The following USP13 variants were observed in gnomAD, a reference collection of about 807,000 sequenced individuals.
USP13 encodes the protein ubiquitin specific peptidase 13, also known as ubiquitin carboxyl-terminal hydrolase 13.
Under a neutral mutation model 107.8 loss-of-function variants are expected in USP13, and 68 were observed. The ratio of observed to expected loss-of-function variants is 0.63; its 90% CI spans 0.52 to 0.77. The LOEUF is 0.77. Among genes scored for constraint, USP13 ranks in the 30% least tolerant of loss-of-function variants. USP13 has a pLI of 0.00. For missense variants in USP13, 945 were observed against 1,093.3 expected (o/e 0.86, Z 1.91); for synonymous variants, 377 against 389.5 (o/e 0.97, Z 0.38).
chr3:179,750,962 G>T (rs998208060), intron 13 of USP13, among the ~76,000 whole-genome samples: 1 of 152,166 alleles, frequency 6.6e-6, no homozygotes, highest in African/African-American at 2.4e-5. Context: ...CAATACATTT[G>T]CATTTGTTTT....
rs201133262 is a variant in USP13, at chr3:179,739,146, C to T, written c.1255-1101C>T. 1.6e-4 allele frequency among the ~76,000 whole-genome samples: 25 copies of T among 152,334 alleles called. No individual in the cohort carries two copies. The East Asian group carries it at 4.8e-3, about 29-fold the overall frequency. On this transcript the variant is annotated intron_variant, in intron 10 of 20. Transcript: ENST00000263966. ...GTCCAGCTGGCCTCGGCAGCCGTCA[C>T]CTCCTCCTGCCCTGAGCCTTCTCCA...
At chr3:179,692,921 C>G (rs1048248532) in intron 3 of USP13, among the ~76,000 whole-genome samples, 13 of 152,126 alleles carry the variant, frequency 8.5e-5, no homozygotes, top group Non-Finnish European at 1.6e-4. Flanking sequence ...AGGGGACTAC[C>G]TACCATTTTG....
chr3:179,752,033 G>T (rs771592358), intron 13 of USP13, among the ~76,000 whole-genome samples: 1 of 152,172 alleles, frequency 6.6e-6, no homozygotes, highest in African/African-American at 2.4e-5. Flanking sequence ...GTGAGCCACC[G>T]CACCTACCCA....
chr3:179,718,803 G>A (rs560079199), intron 6 of USP13, among the ~76,000 whole-genome samples: 6 of 151,462 alleles, frequency 4.0e-5, no homozygotes, highest in East Asian at 1.9e-4. Flanking sequence ...TCTCTCTGTC[G>A]CCCAGGCCAG....
chr3:179,786,069 C>G lies in USP13; in HGVS notation c.*1928C>G, dbSNP rs1273448114. 3 of 152,188 alleles carry G rather than the reference C, an allele frequency of 2.0e-5. No individual in the cohort carries two copies. Among genetic ancestry groups the G allele is most frequent in the Non-Finnish European group, 4.4e-5 (3 of 68,038 alleles). The allele number at this position is 152,188 out of a possible 1,614,324, so 9.4% of individuals were successfully genotyped here. The stretch of plus-strand genomic sequence containing the variant: ...GAAGGAGGGAGCTCACGGTGCAGTA[C>G]TTTTCTACCAAAGTGTGCCCACTGG... On this transcript the variant is annotated 3_prime_UTR_variant, in exon 21 of 21. Coordinates refer to ENST00000263966, the MANE Select transcript of USP13 (RefSeq NM_003940.3).
intron 3 of USP13, among the ~76,000 whole-genome samples, chr3:179,699,205 C>A (rs914258451): frequency 2.0e-5 from 3 of 151,988 alleles, no homozygotes; most frequent in East Asian, 3.9e-4. Flanking sequence ...TAGATTCCAA[C>A]TTAAAAAAAT....
At chr3:179,747,570 G>T (rs537889546) in intron 13 of USP13, among the ~76,000 whole-genome samples, 1 of 152,284 alleles carries the variant, frequency 6.6e-6, no homozygotes, top group East Asian at 1.9e-4. Context: ...GTCCTGCTAG[G>T]AAGCAGCCTT....
Position 179,761,258 on chromosome 3 carries a change from A to T in USP13, c.2092+3A>T. On this transcript the variant is annotated splice_donor_region_variant and intron_variant, in intron 17 of 20. Coordinates refer to ENST00000263966, the MANE Select transcript of USP13 (RefSeq NM_003940.3). ...CATTGTTCACATGGAAGAGCCAGGT[A>T]GGTGGCGAGAAAATGGAATGGCTTT... 6.2e-7 allele frequency: 1 copy of T among 1,614,118 alleles called. No individual in the cohort carries two copies. Among genetic ancestry groups the T allele is most frequent in the Non-Finnish European group, 8.5e-7 (1 of 1,179,994 alleles).
At chr3:179,731,081 C>G (rs2268937) in intron 10 of USP13, among the ~76,000 whole-genome samples, 100,556 of 152,038 alleles carry the variant, frequency 0.66, 34,015 homozygotes, top group East Asian at 0.75. Context: ...CCTCAACTTT[C>G]TTGGCTAGAG....
At chr3:179,723,998 A>T (rs538810489) in intron 8 of USP13, among the ~76,000 whole-genome samples, 2,328 of 136,584 alleles carry the variant, frequency 0.017, 28 homozygotes, top group African/African-American at 0.03. Flanking sequence ...ACAAAAATTT[A>T]AAAAAAAAAA....
rs1294192036 is a variant in USP13, at chr3:179,760,337, G to A, written c.1949-775G>A. Among the ~76,000 whole-genome samples the A allele has an allele frequency of 2.2e-5, 3 of 136,634 alleles. No individual in the cohort carries two copies. The Admixed American group carries it at 2.4e-4, about 11-fold the overall frequency. The allele number at this position is 136,634 out of a possible 152,430, so 89.6% of individuals were successfully genotyped here. ...CTCACTCTTTCGCCCAGGCTGGACT[G>A]CAGTGGCGCTATCCCGGCTCACTGC... On this transcript the variant is annotated intron_variant, in intron 16 of 20. Coordinates refer to ENST00000263966, the MANE Select transcript of USP13 (RefSeq NM_003940.3).
At chr3:179,718,940 T>TA (rs1397158522) in intron 6 of USP13, among the ~76,000 whole-genome samples, 5 of 152,076 alleles carry the variant, frequency 3.3e-5, no homozygotes, top group African/African-American at 1.2e-4. Context: ...GCATTTTTAA[T>TA]AGAGACGGGT....
At chr3:179,774,645 G>A (rs1385759994) in intron 19 of USP13, among the ~76,000 whole-genome samples, 1 of 152,206 alleles carries the variant, frequency 6.6e-6, no homozygotes, top group African/African-American at 2.4e-5. Context: ...GAGACCCAAA[G>A]GGTGAGCAGC....
At chr3:179,656,192 G>T (rs1720255042) in intron 1 of USP13, among the ~76,000 whole-genome samples, 1 of 152,244 alleles carries the variant, frequency 6.6e-6, no homozygotes, top group Non-Finnish European at 1.5e-5. Context: ...CCACTAATTT[G>T]CCTGTAATGT....
At chr3:179,703,064 A>C (rs1369349750) in intron 4 of USP13, among the ~76,000 whole-genome samples, 2 of 152,230 alleles carry the variant, frequency 1.3e-5, no homozygotes, top group African/African-American at 4.8e-5. Context: ...TTAAAATAAG[A>C]GAAGTGCCAT....
intron 1 of USP13, among the ~76,000 whole-genome samples, chr3:179,669,849 T>C (rs1720699427): frequency 6.6e-6 from 1 of 152,160 alleles, no homozygotes; most frequent in Admixed American, 6.5e-5. Flanking sequence ...CCTCCATAAT[T>C]CTTCCACAGT....
In USP13 at chr3:179,763,865, C is replaced by T; in HGVS notation, c.2093-137C>T. On this transcript the variant is annotated intron_variant, in intron 17 of 20. Transcript: ENST00000263966. ...CCTCCCAAAGTGCTGGGATTACAGGCATGAGCCACTGCGCCTGGCCCAGAC... is the reference window on the plus strand; with the variant it reads ...CCTCCCAAAGTGCTGGGATTACAGGTATGAGCCACTGCGCCTGGCCCAGAC... The T allele has an allele frequency of 4.3e-6, 5 of 1,176,020 alleles. 1 individual carries two copies. The highest frequency in any genetic ancestry group is 3.4e-5 in the South Asian group (2 of 58,248). 72.8% of individuals were successfully genotyped at this position (1,176,020 alleles called of 1,614,324 possible). A position where few individuals can be genotyped will look rare whatever the true frequency, so the allele number is the denominator to read the frequency against.
chr3:179,678,080 G>A lies in USP13; in HGVS notation c.169-3798G>A, dbSNP rs1285062960. The stretch of plus-strand genomic sequence containing the variant: ...AACACTGGAGCTCAGAGCCCTATAT[G>A]GCAGCCTGCCTTAGGCCAGAGAGCT... On this transcript the variant is annotated intron_variant, in intron 1 of 20. Coordinates refer to ENST00000263966, the MANE Select transcript of USP13 (RefSeq NM_003940.3). The surrounding 1 kb of genome is among the most constrained non-coding windows in gnomAD (Gnocchi z 4.2). 6.6e-6 allele frequency among the ~76,000 whole-genome samples: 1 copy of A among 152,074 alleles called. No homozygotes were observed. Among genetic ancestry groups the A allele is most frequent in the African/African-American group, 2.4e-5 (1 of 41,402 alleles).
intron 8 of USP13, among the ~76,000 whole-genome samples, chr3:179,728,738 G>A (rs1021938958): frequency 2.2e-4 from 34 of 152,314 alleles, no homozygotes; most frequent in African/African-American, 7.9e-4. Flanking sequence ...CCGGCACCTC[G>A]GGAGGCCGAG....
Sources: gnomAD v4.1 joint callset for allele counts (sites outside exome capture counted in the v4.1 genomes callset) on GRCh38, gnomAD v4.1.1 for gene constraint, Gnocchi (gnomAD v3.1) non-coding constraint, MANE v1.5 for transcripts, NCBI Gene and HGNC (gene_info 2026-07-23, HGNC 2026-07-21) for gene names.